Variants in HYDIN observed in about 807,000 individuals in gnomAD.
HYDIN encodes the protein axonemal central pair apparatus protein HYDIN.
HYDIN carries 132 observed loss-of-function variants against 403.9 expected under a neutral mutation model. The observed-to-expected ratio is 0.33, with a 90% CI of 0.28 to 0.38. The LOEUF (loss-of-function observed/expected upper bound fraction) is 0.38. Among genes scored for constraint, HYDIN ranks in the 10% least tolerant of loss-of-function variants. HYDIN has a pLI of 1.00. For synonymous variants in HYDIN, 1,202 were observed against 1,891.7 expected, an observed-to-expected ratio of 0.64 and a Z score of 9.46; for missense variants, 2,827 against 5,009.5, an observed-to-expected ratio of 0.56 and a Z score of 13.15.
At chr16:70,932,056 TA>T (rs56716212) in intron 45 of HYDIN, among the ~76,000 whole-genome samples, 7 of 35,050 alleles carry the variant, frequency 2.0e-4, no homozygotes, top group South Asian at 8.8e-4. Flanking sequence ...ATCCACAAAA[TA>T]AAAAAAAAAG....
At position 70,867,879 on chromosome 16, in the gene HYDIN, G is replaced by T. The variant is rs562158166; in HGVS notation, c.11310+691C>A. On this transcript the variant is annotated intron_variant, in intron 66 of 85. Transcript: ENST00000393567. ...AGATGGGATTTCACCATGTTGCCCA[G>T]GTTGGTCTCAAACTCCTGGGCTCAA... Among the ~76,000 whole-genome samples the T allele has an allele frequency of 2.5e-4, 38 of 151,206 alleles. No homozygotes were observed. The South Asian group carries it at 8.0e-3, about 32-fold the overall frequency.
chr16:71,226,247 G>A (rs2041027517), intron 1 of HYDIN, among the ~76,000 whole-genome samples: 1 of 152,116 alleles, frequency 6.6e-6, no homozygotes, highest in Admixed American at 6.5e-5. Flanking sequence ...ATATTTTTCT[G>A]GAATATTCTG....
chr16:71,226,564 T>A (rs764364770), intron 1 of HYDIN, among the ~76,000 whole-genome samples: 8 of 152,102 alleles, frequency 5.3e-5, no homozygotes, highest in Non-Finnish European at 4.4e-5. Flanking sequence ...AAAGAAAAAA[T>A]TAGTAAGATT....
Position 70,993,933 on chromosome 16 carries a change from T to C in HYDIN, c.3645-1723A>G, listed in dbSNP as rs918117141. Among the ~76,000 whole-genome samples, 34 of 152,308 alleles carry C rather than the reference T, an allele frequency of 2.2e-4. 1 individual carries two copies. Among genetic ancestry groups the C allele is most frequent in the South Asian group, 4.2e-4 (2 of 4,814 alleles). On this transcript the variant is annotated intron_variant, in intron 23 of 85. Coordinates refer to ENST00000393567, the MANE Select transcript of HYDIN (RefSeq NM_001270974.2). ...AGGCTTAGTTTAAAGGAAAATTCTA[T>C]GTCATTTACTATATAATATAGTAAA...
At chr16:71,198,557 G>C (rs1442928723) in intron 1 of HYDIN, among the ~76,000 whole-genome samples, 1 of 152,130 alleles carries the variant, frequency 6.6e-6, no homozygotes, top group Non-Finnish European at 1.5e-5. Flanking sequence ...TGTTCTACTA[G>C]CCCCCCGCCA....
At chr16:70,940,948 G>T (rs1393744872) in intron 43 of HYDIN, among the ~76,000 whole-genome samples, 27 of 151,654 alleles carry the variant, frequency 1.8e-4, no homozygotes, top group African/African-American at 6.6e-4. Flanking sequence ...CCTGCCCTGG[G>T]GGGCCAAGAT....
At chr16:70,984,660 T>G (rs1460538902) in intron 28 of HYDIN, among the ~76,000 whole-genome samples, 1 of 142,200 alleles carries the variant, frequency 7.0e-6, no homozygotes, top group Non-Finnish European at 1.5e-5. Flanking sequence ...TTATGAATAA[T>G]TACACTTTAA....
At chr16:70,932,009 CAA>C (rs57391181) in intron 45 of HYDIN, among the ~76,000 whole-genome samples, 5 of 29,070 alleles carry the variant, frequency 1.7e-4, no homozygotes, top group Admixed American at 6.4e-4. Flanking sequence ...AGACTTGTAT[CAA>C]AAAAAAAAAA....
chr16:71,037,888 C>T (rs144118462), intron 18 of HYDIN, among the ~76,000 whole-genome samples: 6,099 of 152,104 alleles, frequency 0.04, 370 homozygotes, highest in African/African-American at 0.14. Context: ...CCCTTACCCA[C>T]GGAAACTGAG....
chr16:71,197,584 G>A (rs1204219225), intron 1 of HYDIN, among the ~76,000 whole-genome samples: 1 of 152,118 alleles, frequency 6.6e-6, no homozygotes, highest in Non-Finnish European at 1.5e-5. Context: ...CTCACATAAA[G>A]AATTATTACA....
At chr16:70,944,784 ACTCT>A (rs755050781) in intron 41 of HYDIN, among the ~76,000 whole-genome samples, 1,868 of 151,890 alleles carry the variant, frequency 0.012, no homozygotes, top group South Asian at 0.036. Context: ...ATGGAGTCTC[ACTCT>A]GTTGCCCAGG....
chr16:70,995,505 A>T (rs1423235379), intron 23 of HYDIN, among the ~76,000 whole-genome samples: 2 of 152,136 alleles, frequency 1.3e-5, no homozygotes, highest in African/African-American at 4.8e-5. Flanking sequence ...ACTCTTGGGG[A>T]AGGATCACCA....
chr16:70,849,795 A>T lies in HYDIN; in HGVS notation c.12804T>A (p.Ser4268Arg). 1.2e-6 allele frequency: 1 copy of T among 855,398 alleles called. No homozygotes were observed. The highest frequency in any genetic ancestry group is 2.6e-5 in the East Asian group (1 of 37,792). The allele number at this position is 855,398 out of a possible 1,614,324, so 53.0% of individuals were successfully genotyped here. ...GTTGAAAAGACAGGGTGGCATGTAC[A>T]CTCTGTCCTACATCCACAGTGCTGT... is the stretch of plus-strand genomic sequence containing the variant. Reference protein sequence around the residue: ...PIDSTVDVGQSVHATLSFQPL... With the variant: ...PIDSTVDVGQRVHATLSFQPL... The change falls in exon 75 of 86, where the codon AGT (serine) becomes AGA (arginine). Residue 4268 changes from serine (S) to arginine (R), a missense_variant. Coordinates refer to ENST00000393567, the MANE Select transcript of HYDIN (RefSeq NM_001270974.2).
intron 18 of HYDIN, among the ~76,000 whole-genome samples, chr16:71,055,140 C>T (rs934415177): frequency 1.1e-4 from 17 of 152,290 alleles, no homozygotes; most frequent in Non-Finnish European, 1.9e-4. Context: ...TTTCCAAGTC[C>T]ATTTTCATAA....
At chr16:71,186,994 T>C (rs2087185990) in intron 1 of HYDIN, 76 bp from the exon 2 acceptor site, 3 of 932,328 alleles carry the variant, frequency 3.2e-6, no homozygotes, top group Admixed American at 4.9e-5. Flanking sequence ...TTTTAAGCTT[T>C]TTCAAATACA....
chr16:70,982,267 A>C, intron 28 of HYDIN, among the ~76,000 whole-genome samples: 1 of 151,924 alleles, frequency 6.6e-6, no homozygotes, highest in Non-Finnish European at 1.5e-5. Context: ...TCCTAGAAAA[A>C]TATGAATAAC....
intron 1 of HYDIN, among the ~76,000 whole-genome samples, chr16:71,187,880 G>C (rs1387026995): frequency 6.6e-6 from 1 of 152,116 alleles, no homozygotes; most frequent in Non-Finnish European, 1.5e-5. Context: ...TGAAACAGAA[G>C]ACAGTCAAGG....
chr16:71,074,707 C>CAAAAAAAAAAAAAAAAAAAAAA (rs59315287), intron 13 of HYDIN, among the ~76,000 whole-genome samples: 3 of 86,240 alleles, frequency 3.5e-5, no homozygotes, highest in African/African-American at 9.0e-5. Context: ...CAAAAAACAC[C>CAAAAAAAAAAAAAAAAAAAAAA]AAAAAAAAAA....
rs187863275 is a variant in HYDIN, at chr16:71,066,477, T to C, written c.2075+813A>G. 2.6e-3 allele frequency: 414 copies of C among 161,016 alleles called. 3 individuals are homozygous for C. The highest frequency in any genetic ancestry group is 9.1e-3 in the African/African-American group (381 of 41,858). The allele number at this position is 161,016 out of a possible 1,614,324, so 10.0% of individuals were successfully genotyped here. On this transcript the variant is annotated intron_variant, in intron 15 of 85. Transcript: ENST00000393567. Reference sequence around the variant, plus strand: ...TCACAAGAGATCAGAATTCCAGAGATTGACATATTAGCATGATTATCAGTT... The same window carrying C: ...TCACAAGAGATCAGAATTCCAGAGACTGACATATTAGCATGATTATCAGTT...
Sources: gnomAD v4.1 joint callset for allele counts (sites outside exome capture counted in the v4.1 genomes callset) on GRCh38, gnomAD v4.1.1 for gene constraint, MANE v1.5 for transcripts, NCBI Gene and HGNC (gene_info 2026-07-23, HGNC 2026-07-21) for gene names.